CDC42BPA: variants seen among roughly 807,000 people sequenced by gnomAD.
The protein encoded by CDC42BPA is CDC42 binding protein kinase alpha, also known as serine/threonine-protein kinase MRCK alpha.
In CDC42BPA, 80 loss-of-function variants were observed where a neutral mutation model predicts 223.5. The ratio of observed to expected loss-of-function variants is 0.36; its 90% CI spans 0.30 to 0.43. The LOEUF (loss-of-function observed/expected upper bound fraction) is 0.43, where lower values mean the gene tolerates loss of function less well. Ranked by LOEUF, CDC42BPA falls within the 20% of genes least tolerant of loss-of-function variation. CDC42BPA has a pLI of 1.00. For synonymous variants in CDC42BPA, 694 were observed against 718.6 expected, an observed-to-expected ratio of 0.97 and a Z score of 0.55; for missense variants, 1,743 against 2,099.9, an observed-to-expected ratio of 0.83 and a Z score of 3.32.
In CDC42BPA at chr1:227,069,842, G is replaced by C. The variant is rs775265289; in HGVS notation, c.2839C>G (p.Gln947Glu). ...ELRSEKGIEH[Q>E]DSQHSFLAFL... ...GCCAAGAAAGAATGCTGTGAGTCTT[G>C]GTGCTCTATACCTAGAAGACAGCAG... Residue 947 changes from glutamine to glutamate, a missense_variant, in exon 21 of 37, where the codon CAA (glutamine) becomes GAA (glutamate). Coordinates refer to ENST00000366766, the MANE Select transcript of CDC42BPA (RefSeq NM_001394014.1). 4 of 1,610,576 alleles carry C rather than the reference G, an allele frequency of 2.5e-6. No homozygotes were observed. Among genetic ancestry groups the C allele is most frequent in the Non-Finnish European group, 3.4e-6 (4 of 1,177,504 alleles).
At chr1:227,127,847 T>A (rs1284281187) in intron 11 of CDC42BPA, among the ~76,000 whole-genome samples, 1 of 152,208 alleles carries the variant, frequency 6.6e-6, no homozygotes, top group African/African-American at 2.4e-5. Context: ...TAGTCATTTT[T>A]ATAAAAGATG....
intron 12 of CDC42BPA, among the ~76,000 whole-genome samples, chr1:227,119,331 A>C (rs1427574169): frequency 1.3e-5 from 2 of 152,076 alleles, no homozygotes; most frequent in Non-Finnish European, 2.9e-5. Context: ...CAAAGTTCTT[A>C]TGAAAATAAC....
intron 2 of CDC42BPA, among the ~76,000 whole-genome samples, chr1:227,226,314 C>T (rs1041568911): frequency 6.6e-6 from 1 of 152,206 alleles, no homozygotes; most frequent in Non-Finnish European, 1.5e-5. Context: ...TCCAGTTTGG[C>T]TCCAGGTTTA....
chr1:227,163,078 A>G (rs376744712), intron 5 of CDC42BPA, among the ~76,000 whole-genome samples: 14,513 of 115,954 alleles, frequency 0.13, 899 homozygotes, highest in Middle Eastern at 0.22. Context: ...AAATGTGTGT[A>G]TGTTTCCAAA....
At chr1:227,045,577 T>C (rs1441933736) in intron 23 of CDC42BPA, among the ~76,000 whole-genome samples, 4 of 152,216 alleles carry the variant, frequency 2.6e-5, no homozygotes, top group African/African-American at 7.2e-5. Flanking sequence ...GTCTTCCCTT[T>C]CAGGAACTTC....
chr1:227,226,279 A>G (rs1676852799), intron 2 of CDC42BPA, among the ~76,000 whole-genome samples: 1 of 152,226 alleles, frequency 6.6e-6, no homozygotes, highest in South Asian at 2.1e-4. Context: ...CCAACTTTGC[A>G]TTTAGGAGAA....
chr1:227,048,724 G>T, intron 22 of CDC42BPA, among the ~76,000 whole-genome samples: 1 of 103,940 alleles, frequency 9.6e-6, no homozygotes, highest in African/African-American at 3.7e-5. Context: ...GGGGAAAAAA[G>T]AGCCACTGCT....
At chr1:227,059,383 T>C in intron 21 of CDC42BPA, 2 of 1,563,564 alleles carry the variant, frequency 1.3e-6, no homozygotes, top group Non-Finnish European at 1.7e-6. Context: ...ACGTCTGCCT[T>C]TGCTAGCTGG....
chr1:227,087,474 G>A (rs1041618490), intron 16 of CDC42BPA, among the ~76,000 whole-genome samples: 6 of 152,070 alleles, frequency 3.9e-5, no homozygotes, highest in Non-Finnish European at 5.9e-5. Flanking sequence ...TTAATCCTCC[G>A]ACTTCTAACT....
At chr1:227,049,173 A>C (rs1319139832) in intron 22 of CDC42BPA, among the ~76,000 whole-genome samples, 2 of 152,046 alleles carry the variant, frequency 1.3e-5, no homozygotes, top group African/African-American at 4.8e-5. Context: ...AAAAGTTAAT[A>C]AAAAACAATA....
chr1:227,003,427 A>T (rs998544392), intron 35 of CDC42BPA, among the ~76,000 whole-genome samples: 5 of 152,228 alleles, frequency 3.3e-5, no homozygotes, highest in Admixed American at 3.3e-4. Flanking sequence ...TGAGAAAGTT[A>T]CAGAAAAGCA....
chr1:227,068,342 A>G (rs1474773749), intron 21 of CDC42BPA: 1 of 151,478 alleles, frequency 6.6e-6, no homozygotes, highest in African/African-American at 2.4e-5. Context: ...GGAAAAATAA[A>G]AATAAGCAAT....
intron 1 of CDC42BPA, among the ~76,000 whole-genome samples, chr1:227,299,438 A>G (rs965588678): frequency 6.6e-6 from 1 of 152,072 alleles, no homozygotes; most frequent in African/African-American, 2.4e-5. Flanking sequence ...CTTTTTTTAA[A>G]TGGAATGGTT....
chr1:227,276,353 C>A (rs1276252359), intron 1 of CDC42BPA, among the ~76,000 whole-genome samples: 1 of 150,924 alleles, frequency 6.6e-6, no homozygotes, highest in Non-Finnish European at 1.5e-5. Context: ...GCCCGGCCGC[C>A]CCGTCTGAGA....
Position 226,992,704 on chromosome 1 carries a change from A to C in CDC42BPA, c.*1564T>G, listed in dbSNP as rs536804041. On this transcript the variant is annotated 3_prime_UTR_variant, in exon 37 of 37. Transcript: ENST00000366766. Reference sequence around the variant, plus strand: ...TCAGAGAAACTTAGGTGAAAAGTAAAAGAGAGGCAAAATCTCTTTCCTTCA... The same window carrying C: ...TCAGAGAAACTTAGGTGAAAAGTAACAGAGAGGCAAAATCTCTTTCCTTCA... The C allele has an allele frequency of 6.6e-6, 1 of 152,230 alleles. No homozygotes were observed. The highest frequency in any genetic ancestry group is 1.5e-5 in the Non-Finnish European group (1 of 68,036). The allele number at this position is 152,230 out of a possible 1,614,324, so 9.4% of individuals were successfully genotyped here. A position where few individuals can be genotyped will look rare whatever the true frequency, so the allele number is the denominator to read the frequency against.
chr1:227,166,879 C>T (rs1665133786), intron 5 of CDC42BPA, among the ~76,000 whole-genome samples: 1 of 152,062 alleles, frequency 6.6e-6, no homozygotes. Flanking sequence ...ATAGATACTT[C>T]ATTCAAACTT....
intron 32 of CDC42BPA, among the ~76,000 whole-genome samples, chr1:227,022,024 C>CA (rs11304032): frequency 4.0e-5 from 5 of 124,318 alleles, no homozygotes; most frequent in East Asian, 2.0e-4. Context: ...GTCTCCCCCG[C>CA]AAAAAAAAAA....
intron 16 of CDC42BPA, among the ~76,000 whole-genome samples, chr1:227,091,591 G>A (rs1324006803): frequency 7.1e-6 from 1 of 141,042 alleles, no homozygotes; most frequent in African/African-American, 2.7e-5. Flanking sequence ...CCCAGTCTCA[G>A]GTATTCCTTT....
At chr1:227,163,683 C>G (rs1307037176) in intron 5 of CDC42BPA, among the ~76,000 whole-genome samples, 1 of 151,266 alleles carries the variant, frequency 6.6e-6, no homozygotes, top group African/African-American at 2.4e-5. Context: ...TCCCTTCTCC[C>G]TGCATGTGGG....
Sources: allele counts gnomAD v4.1 joint callset (sites outside exome capture counted in the v4.1 genomes callset), GRCh38; gene constraint gnomAD v4.1.1; transcripts MANE v1.5; gene names NCBI Gene and HGNC (gene_info 2026-07-23, HGNC 2026-07-21).